Variants in UBE3D observed in about 807,000 individuals in gnomAD.
UBE3D encodes ubiquitin protein ligase E3D, also known as E3 ubiquitin-protein ligase E3D.
Under a neutral mutation model 49.6 loss-of-function variants are expected in UBE3D, and 48 were observed. That is an observed-to-expected ratio of 0.97 (90% CI 0.77 to 1.23). The LOEUF is 1.23. Ranked by LOEUF, UBE3D falls within the 50% of genes most tolerant of loss-of-function variation. The probability of loss-of-function intolerance (pLI) is 0.00; values close to 1 mark genes in which losing one functional copy is unlikely to be tolerated. For missense variants in UBE3D, 452 were observed against 468.4 expected (o/e 0.96, Z 0.32); for synonymous variants, 189 against 174.2 (o/e 1.08, Z -0.67).
intron 3 of UBE3D, among the ~76,000 whole-genome samples, chr6:83,052,947 T>C (rs1278250447): frequency 2.0e-5 from 3 of 152,160 alleles, no homozygotes; most frequent in African/African-American, 4.8e-5. Flanking sequence ...GTAGAGGCAC[T>C]GGGATGGAGG....
chr6:82,989,321 G>A (rs898320911), intron 8 of UBE3D, among the ~76,000 whole-genome samples: 3 of 151,950 alleles, frequency 2.0e-5, no homozygotes, highest in African/African-American at 7.3e-5. Flanking sequence ...TACTCCGATG[G>A]GGTTTGGGGA....
At chr6:82,984,055 T>C (rs1562150634) in intron 8 of UBE3D, among the ~76,000 whole-genome samples, 1 of 152,206 alleles carries the variant, frequency 6.6e-6, no homozygotes, top group Non-Finnish European at 1.5e-5. Flanking sequence ...GCCTAACTTG[T>C]ATCCTTGTTC....
intron 1 of UBE3D, among the ~76,000 whole-genome samples, chr6:83,058,557 T>C (rs759031431): frequency 5.9e-5 from 9 of 152,132 alleles, no homozygotes; most frequent in African/African-American, 1.2e-4. Flanking sequence ...ATCAAAAGTA[T>C]AGAGGGGATA....
chr6:82,945,161 C>T (rs1775309107), intron 9 of UBE3D, among the ~76,000 whole-genome samples: 1 of 152,152 alleles, frequency 6.6e-6, no homozygotes, highest in African/African-American at 2.4e-5. Flanking sequence ...CTGGGTGAGA[C>T]TCAGGGATGT....
At chr6:82,954,834 G>A (rs1311510273) in intron 9 of UBE3D, among the ~76,000 whole-genome samples, 1 of 152,188 alleles carries the variant, frequency 6.6e-6, no homozygotes, top group Non-Finnish European at 1.5e-5. Flanking sequence ...TCATCTTGGA[G>A]TGAAGACCTG....
At chr6:82,932,787 G>A (rs1036453485) in intron 9 of UBE3D, 3 of 152,068 alleles carry the variant, frequency 2.0e-5, no homozygotes, top group African/African-American at 2.4e-5. Context: ...TTTGTTTTTA[G>A]TTTGGGAGAC....
At chr6:82,975,380 T>C (rs925314870) in intron 8 of UBE3D, among the ~76,000 whole-genome samples, 1 of 152,156 alleles carries the variant, frequency 6.6e-6, no homozygotes, top group Non-Finnish European at 1.5e-5. Flanking sequence ...TTATGCAAAC[T>C]TAAATTTTCT....
In UBE3D at chr6:83,065,778, G is replaced by A. The variant is rs1268447075; in HGVS notation, c.-60C>T. On this transcript the variant is annotated 5_prime_UTR_variant, in exon 1 of 10. Coordinates refer to ENST00000369747, the MANE Select transcript of UBE3D (RefSeq NM_198920.3). ...AGGTTCCGAGGGGCCCGGGTCAACA[G>A]GACCAGGAGAGGTTCCACGTGCGGA... 3.3e-6 allele frequency: 5 copies of A among 1,523,094 alleles called. 1 individual carries two copies. Among genetic ancestry groups the A allele is most frequent in the South Asian group, 2.4e-5 (2 of 84,522 alleles). The allele number at this position is 1,523,094 out of a possible 1,614,324, so 94.3% of individuals were successfully genotyped here.
chr6:82,909,834 T>G (rs1305945112), intron 9 of UBE3D, among the ~76,000 whole-genome samples: 1 of 152,186 alleles, frequency 6.6e-6, no homozygotes. Flanking sequence ...CAGTTGTTCC[T>G]GTGGGCACAT....
chr6:82,965,524 G>A (rs1225124245), intron 8 of UBE3D, among the ~76,000 whole-genome samples: 2 of 150,076 alleles, frequency 1.3e-5, no homozygotes, highest in Admixed American at 6.7e-5. Flanking sequence ...CAGAGGTTGC[G>A]GTGAGCCGAG....
At chr6:82,942,975 A>C (rs1434114001) in intron 9 of UBE3D, among the ~76,000 whole-genome samples, 1 of 152,192 alleles carries the variant, frequency 6.6e-6, no homozygotes, top group East Asian at 1.9e-4. Context: ...ACTCAACACC[A>C]GCCCATGAAA....
chr6:82,993,370 G>A (rs1460253584), intron 8 of UBE3D, among the ~76,000 whole-genome samples: 1 of 151,946 alleles, frequency 6.6e-6, no homozygotes, highest in Non-Finnish European at 1.5e-5. Flanking sequence ...GTTTCCCTCT[G>A]TGAATATACA....
At chr6:83,040,104 G>A (rs1782554860) in intron 4 of UBE3D, among the ~76,000 whole-genome samples, 1 of 152,140 alleles carries the variant, frequency 6.6e-6, no homozygotes, top group East Asian at 1.9e-4. Flanking sequence ...TATATTCAAT[G>A]CTGGGCACCA....
intron 4 of UBE3D, among the ~76,000 whole-genome samples, chr6:83,041,376 CAT>C (rs1782658807): frequency 6.6e-6 from 1 of 152,178 alleles, no homozygotes; most frequent in Non-Finnish European, 1.5e-5. Flanking sequence ...ACCTCAATCA[CAT>C]GTGTGGCTCC....
intron 9 of UBE3D, among the ~76,000 whole-genome samples, chr6:82,930,390 G>A (rs938118140): frequency 1.3e-4 from 20 of 152,168 alleles, no homozygotes; most frequent in Non-Finnish European, 2.4e-4. Flanking sequence ...ACCCAAAAAC[G>A]TGGAAGTGAC....
chr6:82,983,527 G>A (rs944456219), intron 8 of UBE3D, among the ~76,000 whole-genome samples: 2 of 148,892 alleles, frequency 1.3e-5, no homozygotes, highest in Admixed American at 1.3e-4. Context: ...CTTTTTCAGG[G>A]AATAGAGCTA....
At chr6:82,995,607 A>G (rs1380382999) in intron 8 of UBE3D, among the ~76,000 whole-genome samples, 4 of 152,134 alleles carry the variant, frequency 2.6e-5, no homozygotes, top group African/African-American at 9.7e-5. Context: ...GAGATGTTCA[A>G]CCACACTAGT....
At chr6:82,922,210 A>C (rs1043863262) in intron 9 of UBE3D, among the ~76,000 whole-genome samples, 1 of 152,192 alleles carries the variant, frequency 6.6e-6, no homozygotes, top group Admixed American at 6.5e-5. Context: ...TTATTCCAGA[A>C]TAAATAGAAA....
chr6:82,994,922 A>G (rs1332503433), intron 8 of UBE3D, among the ~76,000 whole-genome samples: 1 of 152,228 alleles, frequency 6.6e-6, no homozygotes, highest in Non-Finnish European at 1.5e-5. Context: ...CATAGAGACA[A>G]GAGGGAGAAG....
Sources: gnomAD v4.1 joint callset for allele counts (sites outside exome capture counted in the v4.1 genomes callset) on GRCh38, gnomAD v4.1.1 for gene constraint, MANE v1.5 for transcripts, NCBI Gene and HGNC (gene_info 2026-07-23, HGNC 2026-07-21) for gene names.